Variants in CADM2 observed in about 807,000 individuals in gnomAD.
The protein encoded by CADM2 is immunoglobulin superfamily member 4D.
CADM2 carries 12 observed loss-of-function variants against 49.8 expected under a neutral mutation model. The observed-to-expected ratio is 0.24, with a 90% CI of 0.15 to 0.39. The LOEUF (loss-of-function observed/expected upper bound fraction) is 0.39. CADM2 is among the 10% of genes least tolerant of loss of function. CADM2 has a pLI of 1.00. For missense variants in CADM2, 378 were observed against 492.3 expected (o/e 0.77, Z 2.20); for synonymous variants, 214 against 175.4 (o/e 1.22, Z -1.74).
chr3:85,302,648 A>T (rs900856796), intron 1 of CADM2, among the ~76,000 whole-genome samples: 3 of 152,052 alleles, frequency 2.0e-5, no homozygotes, highest in Non-Finnish European at 4.4e-5. Flanking sequence ...ATCGTATATT[A>T]TAAGTAGATG....
chr3:85,248,426 C>T (rs1198189060), intron 1 of CADM2, among the ~76,000 whole-genome samples: 1 of 152,070 alleles, frequency 6.6e-6, no homozygotes. Flanking sequence ...AGATGCACGC[C>T]ACCAGGCCCA....
chr3:86,054,759 CTT>C (rs1737720924), intron 8 of CADM2, among the ~76,000 whole-genome samples: 1 of 151,400 alleles, frequency 6.6e-6, no homozygotes, highest in African/African-American at 2.4e-5. Context: ...ATATTTTACT[CTT>C]AGGCGAAAAT....
At chr3:84,959,840 C>T (rs1238703230) in intron 1 of CADM2, among the ~76,000 whole-genome samples, 172 bp downstream of exon 1, 1 of 151,980 alleles carries the variant, frequency 6.6e-6, no homozygotes, top group South Asian at 2.1e-4. Flanking sequence ...ACCAGCCCCT[C>T]GAATTTCTAA....
chr3:85,120,938 T>A lies in CADM2; in HGVS notation c.61+161270T>A, dbSNP rs569212421. ...AACAGGGAATTCTAGTGAAACACGC[T>A]GTGAAGTACATTCCAAAAGTGATAT... On this transcript the variant is annotated intron_variant, in intron 1 of 9. Coordinates refer to ENST00000383699, the MANE Select transcript of CADM2 (RefSeq NM_001167675.2). Among the ~76,000 whole-genome samples, 3 of 152,326 alleles carry A rather than the reference T, an allele frequency of 2.0e-5. No homozygotes were observed. In the East Asian group the frequency reaches 5.8e-4, roughly 29 times the overall value.
At chr3:85,748,482 C>T (rs2068710581) in intron 2 of CADM2, among the ~76,000 whole-genome samples, 1 of 152,060 alleles carries the variant, frequency 6.6e-6, no homozygotes, top group Non-Finnish European at 1.5e-5. Context: ...GGAACTCTGA[C>T]TGTATCTACT....
intron 1 of CADM2, among the ~76,000 whole-genome samples, chr3:85,725,185 T>C (rs1282133681): frequency 6.6e-6 from 1 of 151,940 alleles, no homozygotes; most frequent in Non-Finnish European, 1.5e-5. Flanking sequence ...TTTTATTATT[T>C]TAAAACTAGG....
Position 85,349,374 on chromosome 3 carries a change from G to T in CADM2, c.62-377148G>T, listed in dbSNP as rs116271731. Among the ~76,000 whole-genome samples, 418 of 152,250 alleles carry T rather than the reference G, an allele frequency of 2.7e-3. 1 individual carries two copies. The highest frequency in any genetic ancestry group is 9.7e-3 in the African/African-American group (404 of 41,556). On this transcript the variant is annotated intron_variant, in intron 1 of 9. Coordinates refer to ENST00000383699, the MANE Select transcript of CADM2 (RefSeq NM_001167675.2). Reference sequence around the variant, plus strand: ...ACCTCAGTAAAACTGGAATTGGGAGGTTAAATACAGATACTACCAATTTCA... The same window carrying T: ...ACCTCAGTAAAACTGGAATTGGGAGTTTAAATACAGATACTACCAATTTCA...
intron 1 of CADM2, among the ~76,000 whole-genome samples, chr3:85,158,657 C>G (rs1202449824): frequency 6.6e-6 from 1 of 151,906 alleles, no homozygotes; most frequent in Non-Finnish European, 1.5e-5. Flanking sequence ...CACATGGACA[C>G]AGGAAGGGAA....
intron 5 of CADM2, among the ~76,000 whole-genome samples, chr3:85,909,222 G>C (rs895635821): frequency 2.6e-5 from 4 of 151,974 alleles, no homozygotes; most frequent in African/African-American, 9.7e-5. Context: ...ACCACGTTTT[G>C]ACTATTTAAA....
intron 1 of CADM2, among the ~76,000 whole-genome samples, chr3:85,481,447 G>A (rs544167190): frequency 2.0e-5 from 3 of 151,610 alleles, no homozygotes; most frequent in African/African-American, 7.2e-5. Context: ...TTATTTAAAT[G>A]AATAACTTTC....
At chr3:85,399,596 T>C (rs2034985836) in intron 1 of CADM2, among the ~76,000 whole-genome samples, 1 of 152,242 alleles carries the variant, frequency 6.6e-6, no homozygotes, top group African/African-American at 2.4e-5. Flanking sequence ...AATTGATTCT[T>C]CCTATCCATG....
intron 1 of CADM2, among the ~76,000 whole-genome samples, chr3:85,475,111 T>C (rs12486274): frequency 0.08 from 12,214 of 151,982 alleles, 948 homozygotes; most frequent in African/African-American, 0.18. Context: ...TTTCCTCCCA[T>C]GGAGTCTGTT....
chr3:85,711,259 G>A (rs2067108951), intron 1 of CADM2, among the ~76,000 whole-genome samples: 1 of 152,038 alleles, frequency 6.6e-6, no homozygotes, highest in Non-Finnish European at 1.5e-5. Flanking sequence ...TCCCTGTGCT[G>A]GGACTTTGAA....
intron 1 of CADM2, among the ~76,000 whole-genome samples, chr3:85,709,366 C>T (rs757151126): frequency 5.9e-5 from 9 of 152,090 alleles, no homozygotes; most frequent in Non-Finnish European, 1.3e-4. Flanking sequence ...TGAAAAATGT[C>T]AACTTCGAAC....
At chr3:85,427,153 A>C (rs2036442675) in intron 1 of CADM2, among the ~76,000 whole-genome samples, 1 of 137,394 alleles carries the variant, frequency 7.3e-6, no homozygotes, top group Non-Finnish European at 1.5e-5. Context: ...TCACTGATGT[A>C]TTGGAACTAT....
intron 1 of CADM2, among the ~76,000 whole-genome samples, chr3:85,037,532 C>A (rs1176606998): frequency 6.6e-6 from 1 of 152,142 alleles, no homozygotes; most frequent in African/African-American, 2.4e-5. Context: ...CTTTTGTTAC[C>A]ATTTTCAAAT....
At chr3:85,564,762 A>G (rs2107199137) in intron 1 of CADM2, among the ~76,000 whole-genome samples, 1 of 152,196 alleles carries the variant, frequency 6.6e-6, no homozygotes, top group Non-Finnish European at 1.5e-5. Flanking sequence ...AAGGAGGAGC[A>G]ACATACTTTA....
chr3:85,397,097 G>T (rs959470328), intron 1 of CADM2, among the ~76,000 whole-genome samples: 1 of 151,946 alleles, frequency 6.6e-6, no homozygotes, highest in African/African-American at 2.4e-5. Context: ...ATGGGAAAAA[G>T]ACTTTAAAGA....
chr3:85,600,494 A>T (rs1165702933), intron 1 of CADM2, among the ~76,000 whole-genome samples: 1 of 151,882 alleles, frequency 6.6e-6, no homozygotes, highest in African/African-American at 2.4e-5. Context: ...ACTTCATCTG[A>T]TTCCAGAGAC....
Sources: allele counts gnomAD v4.1 joint callset (sites outside exome capture counted in the v4.1 genomes callset), GRCh38; gene constraint gnomAD v4.1.1; transcripts MANE v1.5; gene names NCBI Gene and HGNC (gene_info 2026-07-23, HGNC 2026-07-21).